RBFOX1: variants seen among roughly 807,000 people sequenced by gnomAD.
RBFOX1 encodes the protein RNA binding fox-1 homolog 1.
In RBFOX1, 8 loss-of-function variants were observed where a neutral mutation model predicts 57.7. That is an observed-to-expected ratio of 0.14 (90% confidence interval 0.08 to 0.25). RBFOX1 has a LOEUF of 0.25. Among genes scored for constraint, RBFOX1 ranks in the 10% least tolerant of loss-of-function variants. RBFOX1 has a pLI of 1.00. For missense variants in RBFOX1, 611 were observed against 548.5 expected (o/e 1.11, Z -1.14); for synonymous variants, 326 against 222.4 (o/e 1.47, Z -4.15).
intron 3 of RBFOX1, among the ~76,000 whole-genome samples, chr16:5,711,300 A>C (rs1301055958): frequency 6.6e-6 from 1 of 152,226 alleles, no homozygotes; most frequent in African/African-American, 2.4e-5. Context: ...TCAGATAAGA[A>C]AATGGAGGCA....
intron 3 of RBFOX1, among the ~76,000 whole-genome samples, chr16:7,042,228 C>T (rs1321364588): frequency 6.6e-6 from 1 of 152,284 alleles, no homozygotes; most frequent in South Asian, 2.1e-4. Context: ...AGCATCTTGT[C>T]AGGGCACAGT....
intron 1 of RBFOX1, among the ~76,000 whole-genome samples, chr16:5,430,969 G>A (rs1360591895): frequency 6.6e-6 from 1 of 152,154 alleles, no homozygotes; most frequent in African/African-American, 2.4e-5. Context: ...TGCATAATAA[G>A]GTGACTGGTC....
intron 4 of RBFOX1, among the ~76,000 whole-genome samples, chr16:7,402,707 T>G (rs1236150967): frequency 6.6e-6 from 1 of 152,188 alleles, no homozygotes; most frequent in Non-Finnish European, 1.5e-5. Context: ...TGGCACCTAA[T>G]ATGGTAAATA....
chr16:5,294,785 C>G (rs540052040), intron 1 of RBFOX1, among the ~76,000 whole-genome samples: 2 of 152,114 alleles, frequency 1.3e-5, no homozygotes, highest in African/African-American at 2.4e-5. Context: ...AATCCCAGCA[C>G]TTTGGGAGGC....
chr16:6,913,307 CA>C (rs1211540083), intron 3 of RBFOX1, among the ~76,000 whole-genome samples: 1 of 152,078 alleles, frequency 6.6e-6, no homozygotes, highest in Non-Finnish European at 1.5e-5. Context: ...TCATGCTGTT[CA>C]AAAGATTCAA....
At chr16:6,118,170 A>G (rs1014606321) in intron 1 of RBFOX1, among the ~76,000 whole-genome samples, 2 of 152,174 alleles carry the variant, frequency 1.3e-5, no homozygotes, top group African/African-American at 4.8e-5. Context: ...CCATGCTGTT[A>G]ACTGAAATAT....
At chr16:6,323,332 A>G (rs1231667542) in intron 2 of RBFOX1, among the ~76,000 whole-genome samples, 1 of 152,152 alleles carries the variant, frequency 6.6e-6, no homozygotes, top group Non-Finnish European at 1.5e-5. Context: ...AAAATCTGCC[A>G]TGGTGCTTAT....
intron 4 of RBFOX1, among the ~76,000 whole-genome samples, chr16:7,211,045 A>G (rs2091021263): frequency 6.6e-6 from 1 of 150,780 alleles, no homozygotes; most frequent in South Asian, 2.1e-4. Flanking sequence ...CAAGATAAGT[A>G]TGTCAAAGTA....
At chr16:5,291,791 C>G (rs1221639832) in intron 1 of RBFOX1, among the ~76,000 whole-genome samples, 1 of 152,046 alleles carries the variant, frequency 6.6e-6, no homozygotes, top group Non-Finnish European at 1.5e-5. Context: ...GTGAACGGAT[C>G]TGAGAAGGAT....
At chr16:7,530,913 T>C (rs1041601842) in intron 5 of RBFOX1, among the ~76,000 whole-genome samples, 1 of 152,088 alleles carries the variant, frequency 6.6e-6, no homozygotes, top group African/African-American at 2.4e-5. Context: ...AAAATAAGCC[T>C]TCACCCTGAC....
intron 3 of RBFOX1, among the ~76,000 whole-genome samples, chr16:5,735,331 A>T (rs758368575): frequency 2.1e-4 from 32 of 152,248 alleles, no homozygotes; most frequent in Non-Finnish European, 4.0e-4. Context: ...ATGACAGAAC[A>T]AAGCAGACTA....
upstream of RBFOX1, among the ~76,000 whole-genome samples, chr16:6,015,464 CTGCCTGTG>C (rs2094987707): frequency 6.6e-6 from 1 of 152,210 alleles, no homozygotes; most frequent in Admixed American, 6.5e-5. Context: ...TCACTCTCCA[CTGCCTGTG>C]GTAAAGCAAA....
intron 3 of RBFOX1, among the ~76,000 whole-genome samples, chr16:7,009,576 T>C (rs1267185361): frequency 6.6e-6 from 1 of 152,116 alleles, no homozygotes; most frequent in African/African-American, 2.4e-5. Flanking sequence ...AGTGCAGCAG[T>C]AACGATGCCA....
At chr16:7,088,553 T>C (rs2060332661) in intron 4 of RBFOX1, among the ~76,000 whole-genome samples, 1 of 151,808 alleles carries the variant, frequency 6.6e-6, no homozygotes, top group Non-Finnish European at 1.5e-5. Flanking sequence ...TGTTTTTTTT[T>C]CTGGAGATCG....
At chr16:6,658,945 G>GGTTTT (rs2098682219) in intron 3 of RBFOX1, among the ~76,000 whole-genome samples, 3 of 139,446 alleles carry the variant, frequency 2.2e-5, no homozygotes, top group Non-Finnish European at 4.7e-5. Flanking sequence ...TGTTTTTTTT[G>GGTTTT]TTTTTTTTTT....
At chr16:6,353,709 G>T (rs1325088238) in intron 2 of RBFOX1, among the ~76,000 whole-genome samples, 1 of 152,076 alleles carries the variant, frequency 6.6e-6, no homozygotes, top group Non-Finnish European at 1.5e-5. Flanking sequence ...GGTTATTTCG[G>T]CCACAAAGTC....
At chr16:7,629,890 G>A (rs1467559586) in intron 10 of RBFOX1, among the ~76,000 whole-genome samples, 3 of 152,206 alleles carry the variant, frequency 2.0e-5, no homozygotes, top group Non-Finnish European at 2.9e-5. Context: ...GGAAGAAAGC[G>A]GGAATACAGA....
Position 7,690,703 on chromosome 16 carries a change from G to C in RBFOX1, c.995+13865G>C, listed in dbSNP as rs1598192589. Among the ~76,000 whole-genome samples, 3 of 152,058 alleles carry C rather than the reference G, an allele frequency of 2.0e-5. No individual in the cohort carries two copies. The South Asian group carries it at 6.2e-4, about 32-fold the overall frequency. ...TTTCTGAAGTTGTTTGGATATAGCG[G>C]AGACATTCGTCTCTTTGATCATATG... On this transcript the variant is annotated intron_variant, in intron 14 of 15. Transcript: ENST00000550418.
chr16:6,871,811 G>A (rs1040703691), intron 3 of RBFOX1, among the ~76,000 whole-genome samples: 3 of 152,102 alleles, frequency 2.0e-5, no homozygotes, highest in African/African-American at 4.8e-5. Context: ...AATGTTGTCA[G>A]TGGCCCTCAA....
Sources: gnomAD v4.1 joint callset for allele counts (sites outside exome capture counted in the v4.1 genomes callset) on GRCh38, gnomAD v4.1.1 for gene constraint, MANE v1.5 for transcripts, NCBI Gene and HGNC (gene_info 2026-07-23, HGNC 2026-07-21) for gene names.